SH2B1: variants seen among roughly 807,000 people sequenced by gnomAD.
The protein encoded by SH2B1 is SH2B adaptor protein 1, also known as SH2B adapter protein 1.
In SH2B1, 15 loss-of-function variants were observed where a neutral mutation model predicts 62.6. That is an observed-to-expected ratio of 0.24 (90% CI 0.16 to 0.37). The LOEUF (loss-of-function observed/expected upper bound fraction) is 0.37. SH2B1 is among the 10% of genes least tolerant of loss of function. The pLI, the probability that SH2B1 is intolerant of heterozygous loss-of-function variation, is 1.00. For synonymous variants in SH2B1, 443 were observed against 438.0 expected, an observed-to-expected ratio of 1.01 and a Z score of -0.14; for missense variants, 925 against 1,015.6, an observed-to-expected ratio of 0.91 and a Z score of 1.21.
At chr16:28,847,034 C>T (rs1158767420) in intron 1 of SH2B1, among the ~76,000 whole-genome samples, 1 of 152,204 alleles carries the variant, frequency 6.6e-6, no homozygotes, top group Non-Finnish European at 1.5e-5. Flanking sequence ...GGACCCTGTA[C>T]TGCTAGACCT....
rs745489496 is a variant in SH2B1, at chr16:28,848,668, C to CTT, written c.-301+1862_-301+1863dup. Among the ~76,000 whole-genome samples, 235 of 109,216 alleles carry CTT rather than the reference C, an allele frequency of 2.2e-3. 2 individuals are homozygous for CTT. Among genetic ancestry groups the CTT allele is most frequent in the African/African-American group, 6.8e-3 (164 of 24,180 alleles). 71.6% of individuals were successfully genotyped at this position (109,216 alleles called of 152,430 possible). The stretch of plus-strand genomic sequence containing the variant: ...CAAAAAGTGTGCACACCGCACTGTC[C>CTT]TTTTTTTTTTTTTTTTTTTTTTGAG... On this transcript the variant is annotated intron_variant, in intron 1 of 10. Coordinates refer to the SH2B1 transcript ENST00000322610.
rs1473837742 is a variant in SH2B1 at position 28,873,506 on chromosome 16, C to T, written c.1957C>T (p.Pro653Ser). 6.3e-7 allele frequency: 1 copy of T among 1,594,526 alleles called. No homozygotes were observed. Among genetic ancestry groups the T allele is most frequent in the Non-Finnish European group, 8.5e-7 (1 of 1,172,074 alleles). Residue 653 changes from proline (P) to serine (S), a missense_variant, in exon 8 of 8, where the codon CCA becomes TCA. Physicochemically the swap from Pro to Ser is moderately conservative, Grantham distance 74 (BLOSUM62 -1). Coordinates refer to ENST00000684370, the MANE Select transcript of SH2B1 (RefSeq NM_001387430.1). This position sits in a 1 kb window ranked among gnomAD's most constrained non-coding sequence, Gnocchi z 4.2. Reference protein sequence around the residue: ...PPEPPSWTDPPQPGAEEASRA... With the variant: ...PPEPPSWTDPSQPGAEEASRA... ...TGAACCCCCTTCATGGACAGATCCC[C>T]CACAGCCTGGGGCAGAAGAGGCGTC... is the stretch of plus-strand genomic sequence containing the variant.
At position 28,872,514 on chromosome 16, in the gene SH2B1, C is replaced by G; in HGVS notation, c.1726-20C>G. 6.2e-7 allele frequency: 1 copy of G among 1,600,248 alleles called. No homozygotes were observed. Reference sequence around the variant, plus strand: ...GCAGGGCCTTTGCCTCCTACCTCACCTCCCCCATCCCGCCCTCAGCACCTG... The same window carrying G: ...GCAGGGCCTTTGCCTCCTACCTCACGTCCCCCATCCCGCCCTCAGCACCTG... On this transcript the variant is annotated intron_variant, in intron 6 of 7. Coordinates refer to ENST00000684370, the MANE Select transcript of SH2B1 (RefSeq NM_001387430.1). The surrounding 1 kb of genome is among the most constrained non-coding windows in gnomAD (Gnocchi z 5.3).
At position 28,873,589 on chromosome 16, in the gene SH2B1, A is replaced by G. The variant is rs1963170423; in HGVS notation, c.2040A>G (p.Lys680=). ...AAAAAKERQE[K]EKAGGGGVPE... ...CAGCAGCCAAAGAGAGGCAAGAGAA[A>G]GAGAAAGCGGGCGGTGGAGGGGTCC... The change falls in exon 8 of 8, where the codon AAA becomes AAG. Residue 680 remains lysine (K), a synonymous_variant. Coordinates refer to ENST00000684370, the MANE Select transcript of SH2B1 (RefSeq NM_001387430.1). The surrounding 1 kb of genome is among the most constrained non-coding windows in gnomAD (Gnocchi z 4.2). The G allele has an allele frequency of 1.3e-6, 2 of 1,571,660 alleles. No homozygotes were observed. Among genetic ancestry groups the G allele is most frequent in the Non-Finnish European group, 1.7e-6 (2 of 1,158,760 alleles).
In SH2B1 at chr16:28,865,507, C is replaced by A. The variant is rs180903660; in HGVS notation, c.-588C>A. ...GTGCTATGGCTGAGGCTGGCCCAGCCGGGCCCTGGGGACAGGGACTATGAA... is the reference window on the plus strand; with the variant it reads ...GTGCTATGGCTGAGGCTGGCCCAGCAGGGCCCTGGGGACAGGGACTATGAA... On this transcript the variant is annotated 5_prime_UTR_variant, in exon 1 of 8. Transcript: ENST00000684370. 5.6e-5 allele frequency: 55 copies of A among 985,616 alleles called. No homozygotes were observed. In the African/African-American group the frequency reaches 8.7e-4, roughly 16 times the overall value. 61.1% of individuals were successfully genotyped at this position (985,616 alleles called of 1,614,324 possible).
Position 28,864,087 on chromosome 16 carries a change from A to G in SH2B1, c.-2008A>G. On this transcript the variant is annotated 5_prime_UTR_variant, in exon 1 of 8. Coordinates refer to ENST00000684370, the MANE Select transcript of SH2B1 (RefSeq NM_001387430.1). ...GGCACTCGGCCCCGGAGAGTGCAGCAGACAGGGCTGGTCCCGAGGTGGATG... is the reference window on the plus strand; with the variant it reads ...GGCACTCGGCCCCGGAGAGTGCAGCGGACAGGGCTGGTCCCGAGGTGGATG... The G allele has an allele frequency of 7.7e-7, 1 of 1,304,626 alleles. No homozygotes were observed. The highest frequency in any genetic ancestry group is 9.8e-7 in the Non-Finnish European group (1 of 1,021,012). The allele number at this position is 1,304,626 out of a possible 1,614,324, so 80.8% of individuals were successfully genotyped here.
At position 28,865,724 on chromosome 16, in the gene SH2B1, C is replaced by G. The variant is rs1962649095; in HGVS notation, c.-371C>G. On this transcript the variant is annotated 5_prime_UTR_variant, in exon 1 of 8. Transcript: ENST00000684370. ...AGGGGGGGTGATCTGGAAAAGTTCC[C>G]TTTTTTAGGGGGAAGGTGCTCCAAA... The G allele has an allele frequency of 9.7e-7, 1 of 1,031,886 alleles. No individual in the cohort carries two copies. Among genetic ancestry groups the G allele is most frequent in the South Asian group, 4.5e-5 (1 of 22,346 alleles). 63.9% of individuals were successfully genotyped at this position (1,031,886 alleles called of 1,614,324 possible).
intron 1 of SH2B1, among the ~76,000 whole-genome samples, chr16:28,851,425 C>T (rs1962096361): frequency 1.3e-5 from 2 of 151,550 alleles, no homozygotes; most frequent in Admixed American, 1.3e-4. Context: ...CAGTGGGTCT[C>T]CTGGCTTCTG....
intron 1 of SH2B1, among the ~76,000 whole-genome samples, chr16:28,850,751 T>A (rs1162687090): frequency 7.6e-6 from 1 of 131,198 alleles, no homozygotes; most frequent in Admixed American, 7.7e-5. Flanking sequence ...CCCAGCTACT[T>A]GGGAGGCTGA....
At position 28,866,141 on chromosome 16, in the gene SH2B1, C is replaced by T; in HGVS notation, c.47C>T (p.Pro16Leu). 2 of 1,550,874 alleles carry T rather than the reference C, an allele frequency of 1.3e-6. No homozygotes were observed. The highest frequency in any genetic ancestry group is 1.7e-6 in the Non-Finnish European group (2 of 1,149,528). The change falls in exon 1 of 8, where the codon CCC (proline) becomes CTC (leucine). Residue 16 changes from proline to leucine, a missense_variant. Physicochemically the swap from Pro to Leu is moderately conservative, Grantham distance 98. Around this residue, in one of 3 missense-constraint regions of SH2B1, gnomAD observed 683 missense variants for 704.0 expected, o/e 0.97. Transcript: ENST00000684370. This position sits in a 1 kb window ranked among gnomAD's most constrained non-coding sequence, Gnocchi z 6.3. ...GAGGACGGGGCCTCCCCCTCGTCTC[C>T]CCCGCTGCCCCCACCCCCGCCCCCT... ...SPEDGASPSS[P>L]PLPPPPPPSW...
At chr16:28,856,054 A>G (rs936280193) in intron 1 of SH2B1, among the ~76,000 whole-genome samples, 5 of 149,476 alleles carry the variant, frequency 3.3e-5, no homozygotes, top group African/African-American at 1.2e-4. Flanking sequence ...AGGTGGATGA[A>G]TCACGAGGTC....
At chr16:28,848,605 C>T (rs1339771711) in intron 1 of SH2B1, among the ~76,000 whole-genome samples, 4 of 151,004 alleles carry the variant, frequency 2.6e-5, no homozygotes, top group Admixed American at 6.6e-5. Flanking sequence ...TGAAAACTGA[C>T]GGTCAGGGTG....
At chr16:28,855,911 T>C (rs1430031167) in intron 1 of SH2B1, among the ~76,000 whole-genome samples, 1 of 146,510 alleles carries the variant, frequency 6.8e-6, no homozygotes, top group African/African-American at 2.5e-5. Flanking sequence ...GACCTCGTGA[T>C]CCGCCTGCCT....
Position 28,865,808 on chromosome 16 carries a change from G to A in SH2B1, c.-287G>A, listed in dbSNP as rs1239623115. On this transcript the variant is annotated 5_prime_UTR_variant, in exon 1 of 8. Coordinates refer to ENST00000684370, the MANE Select transcript of SH2B1 (RefSeq NM_001387430.1). ...TGGGGGCAAATGTGGCAGGCTCGGGGCAGGTTAGACGCTGGGGAGCCAGTT... is the reference window on the plus strand; with the variant it reads ...TGGGGGCAAATGTGGCAGGCTCGGGACAGGTTAGACGCTGGGGAGCCAGTT... 1.6e-6 allele frequency: 2 copies of A among 1,214,050 alleles called. No individual in the cohort carries two copies. The highest frequency in any genetic ancestry group is 1.0e-6 in the Non-Finnish European group (1 of 974,400). The allele number at this position is 1,214,050 out of a possible 1,614,324, so 75.2% of individuals were successfully genotyped here.
At chr16:28,858,524 A>T (rs969659044) in intron 1 of SH2B1, among the ~76,000 whole-genome samples, 11 of 151,974 alleles carry the variant, frequency 7.2e-5, no homozygotes, top group African/African-American at 2.7e-4. Flanking sequence ...AAACAAAAAA[A>T]CTCAGGTGTT....
Position 28,874,135 on chromosome 16 carries a change from T to C in SH2B1, c.*315T>C, listed in dbSNP as rs1284614739. 3.3e-6 allele frequency: 1 copy of C among 306,198 alleles called. No individual in the cohort carries two copies. The highest frequency in any genetic ancestry group is 5.1e-5 in the Admixed American group (1 of 19,782). The allele number at this position is 306,198 out of a possible 1,614,324, so 19.0% of individuals were successfully genotyped here. ...GAGGGGGAAGGGCTGTCAGTTACAT[T>C]AAGGTGGTTGTTGTTGTTGTTTTAA... On this transcript the variant is annotated 3_prime_UTR_variant, in exon 8 of 8. Transcript: ENST00000684370.
intron 1 of SH2B1, among the ~76,000 whole-genome samples, chr16:28,849,703 G>A (rs1962055627): frequency 6.6e-6 from 1 of 152,152 alleles, no homozygotes; most frequent in Non-Finnish European, 1.5e-5. Flanking sequence ...GAGGCAGGCG[G>A]ATCACTTGAG....
At chr16:28,861,218 C>T (rs907852664), upstream of SH2B1, among the ~76,000 whole-genome samples, 3 of 149,936 alleles carry the variant, frequency 2.0e-5, no homozygotes, top group African/African-American at 7.4e-5. Flanking sequence ...CCACAGCCTC[C>T]GCCTCCCAGA....
intron 1 of SH2B1, among the ~76,000 whole-genome samples, chr16:28,851,993 G>C (rs1310577539): frequency 6.7e-6 from 1 of 149,462 alleles, no homozygotes; most frequent in East Asian, 2.0e-4. Flanking sequence ...CTTGAACCCA[G>C]GAGGCGGAGG....
Sources: gnomAD v4.1 joint callset for allele counts (sites outside exome capture counted in the v4.1 genomes callset) on GRCh38, gnomAD v4.1.1 for gene constraint, gnomAD v4.1.1 regional missense constraint, Gnocchi (gnomAD v3.1) non-coding constraint, MANE v1.5 for transcripts, NCBI Gene and HGNC (gene_info 2026-07-23, HGNC 2026-07-21) for gene names.